The following GALM variants were observed in gnomAD, a reference collection of about 807,000 sequenced individuals.
GALM encodes the protein galactose mutarotase, also known as aldose 1-epimerase.
GALM carries 43 observed loss-of-function variants against 37.4 expected under a neutral mutation model. The observed-to-expected ratio is 1.15, with a 90% CI of 0.90 to 1.48. The LOEUF is 1.48. Ranked by LOEUF, GALM falls within the 40% of genes most tolerant of loss-of-function variation. GALM has a pLI of 0.00. For synonymous variants in GALM, 199 were observed against 170.6 expected (o/e 1.17, Z -1.30); for missense variants, 456 against 419.1 (o/e 1.09, Z -0.77).
chr2:38,731,663 C>A, intron 5 of GALM, 72 bp from the exon 6 acceptor site: 1 of 1,169,326 alleles, frequency 8.6e-7, no homozygotes, highest in Non-Finnish European at 1.3e-6. Context: ...TGTCTCAAAG[C>A]CGCTTCCCAG....
At chr2:38,673,923 G>C (rs1243496487) in intron 1 of GALM, among the ~76,000 whole-genome samples, 1 of 151,986 alleles carries the variant, frequency 6.6e-6, no homozygotes, top group Non-Finnish European at 1.5e-5. Flanking sequence ...AACAATGTAC[G>C]ATTATAGTGT....
intron 4 of GALM, among the ~76,000 whole-genome samples, chr2:38,709,971 G>T (rs1315286621): frequency 1.3e-5 from 2 of 152,152 alleles, no homozygotes; most frequent in East Asian, 3.9e-4. Context: ...GAGCAGCTGG[G>T]CTGGAAGCAC....
chr2:38,726,678 G>A (rs1256341576), intron 4 of GALM, among the ~76,000 whole-genome samples: 19 of 152,010 alleles, frequency 1.2e-4, no homozygotes, highest in Non-Finnish European at 2.6e-4. Flanking sequence ...GGGAGGCCGA[G>A]ATGGGCAGAT....
intron 4 of GALM, among the ~76,000 whole-genome samples, chr2:38,719,309 A>C (rs149244938): frequency 0.02 from 2,979 of 151,748 alleles, 115 homozygotes; most frequent in African/African-American, 0.068. Context: ...GTCTCTACTA[A>C]AAATACAAAA....
chr2:38,689,589 A>G (rs1387425396), intron 3 of GALM, among the ~76,000 whole-genome samples: 1 of 152,236 alleles, frequency 6.6e-6, no homozygotes, highest in Admixed American at 6.5e-5. Flanking sequence ...CTATTTAGAA[A>G]AGAAAATGCA....
intron 4 of GALM, among the ~76,000 whole-genome samples, chr2:38,722,547 AC>A (rs1666405824): frequency 6.6e-6 from 1 of 152,142 alleles, no homozygotes; most frequent in African/African-American, 2.4e-5. Flanking sequence ...CTCTTCAGAA[AC>A]TGCTTCTCCC....
At position 38,734,469 on chromosome 2, in the gene GALM, A is replaced by G. The variant is rs1325905497; in HGVS notation, c.*904A>G. The G allele has an allele frequency of 6.6e-6, 1 of 151,620 alleles. No homozygotes were observed. Among genetic ancestry groups the G allele is most frequent in the Non-Finnish European group, 1.5e-5 (1 of 68,008 alleles). The allele number at this position is 151,620 out of a possible 1,614,324, so 9.4% of individuals were successfully genotyped here. ...CTTCCGAGAGGAAAAGGCCTGCAAG[A>G]GCCTTTGGGTTAACTGAGAAAGCAC... On this transcript the variant is annotated 3_prime_UTR_variant, in exon 7 of 7. Coordinates refer to ENST00000272252, the MANE Select transcript of GALM (RefSeq NM_138801.3).
At chr2:38,724,923 A>G (rs758386954) in intron 4 of GALM, among the ~76,000 whole-genome samples, 2 of 152,216 alleles carry the variant, frequency 1.3e-5, no homozygotes, top group African/African-American at 2.4e-5. Context: ...TGGTAACAGG[A>G]AAGAGACCTG....
intron 4 of GALM, among the ~76,000 whole-genome samples, chr2:38,704,046 TA>T (rs569727890): frequency 6.0e-4 from 91 of 151,068 alleles, no homozygotes; most frequent in Admixed American, 4.4e-3. Flanking sequence ...AATAAATAAA[TA>T]AAATAAAATA....
intron 4 of GALM, among the ~76,000 whole-genome samples, chr2:38,716,210 G>A (rs1253219090): frequency 1.3e-5 from 2 of 152,242 alleles, no homozygotes. Context: ...TGCAGCTTCT[G>A]AAAGCTGTTG....
chr2:38,706,135 G>T (rs1666032744), intron 4 of GALM, among the ~76,000 whole-genome samples: 1 of 151,950 alleles, frequency 6.6e-6, no homozygotes, highest in South Asian at 2.1e-4. Flanking sequence ...CTCCCAAGTA[G>T]CTGGGATTAC....
Position 38,697,159 on chromosome 2 carries a change from T to C in GALM, c.634+7265T>C, listed in dbSNP as rs545769885. Among the ~76,000 whole-genome samples the C allele has an allele frequency of 2.6e-5, 4 of 152,236 alleles. No individual in the cohort carries two copies. In the South Asian group the frequency reaches 8.3e-4, roughly 32 times the overall value. On this transcript the variant is annotated intron_variant, in intron 4 of 6. Transcript: ENST00000272252. Reference sequence around the variant, plus strand: ...TTAAACTGTGTCTGAAAAAGTGGCTTATGTGGGGAAATTTGTGATGGATTT... The same window carrying C: ...TTAAACTGTGTCTGAAAAAGTGGCTCATGTGGGGAAATTTGTGATGGATTT...
intron 4 of GALM, among the ~76,000 whole-genome samples, chr2:38,707,991 A>T (rs1666074940): frequency 6.6e-6 from 1 of 152,010 alleles, no homozygotes; most frequent in South Asian, 2.1e-4. Flanking sequence ...CCTGTAATCC[A>T]AGCTGCTCGG....
At chr2:38,696,201 C>T (rs1665801074) in intron 4 of GALM, among the ~76,000 whole-genome samples, 1 of 151,846 alleles carries the variant, frequency 6.6e-6, no homozygotes, top group Non-Finnish European at 1.5e-5. Context: ...CTCACTGCAA[C>T]CTCCACCTCC....
chr2:38,672,097 A>G (rs1665121084), intron 1 of GALM, among the ~76,000 whole-genome samples: 2 of 151,542 alleles, frequency 1.3e-5, no homozygotes, highest in African/African-American at 4.8e-5. Context: ...AGTGCTTCTT[A>G]TCTTCATGAC....
chr2:38,676,286 G>A (rs866994901), intron 2 of GALM, among the ~76,000 whole-genome samples: 3 of 152,294 alleles, frequency 2.0e-5, no homozygotes, highest in Middle Eastern at 6.8e-3. Context: ...GAGAAAGGAT[G>A]TCAACCTTTG....
chr2:38,691,051 C>G (rs1032629824), intron 4 of GALM, among the ~76,000 whole-genome samples: 1 of 152,138 alleles, frequency 6.6e-6, no homozygotes, highest in East Asian at 1.9e-4. Context: ...CATGAGTAAG[C>G]TGGCCCATCT....
intron 4 of GALM, among the ~76,000 whole-genome samples, chr2:38,692,927 A>G (rs1486057270): frequency 6.6e-6 from 1 of 152,210 alleles, no homozygotes; most frequent in Admixed American, 6.5e-5. Flanking sequence ...GTGCTTTTGA[A>G]GCAAAGCATT....
Position 38,733,875 on chromosome 2 carries a change from G to T in GALM, c.*310G>T. Reference sequence around the variant, plus strand: ...GCTGTTGGCTCCATCTCTCCACACTGCCTCTTTCTTTTCAACTTTTTGCCC... The same window carrying T: ...GCTGTTGGCTCCATCTCTCCACACTTCCTCTTTCTTTTCAACTTTTTGCCC... On this transcript the variant is annotated 3_prime_UTR_variant, in exon 7 of 7. Transcript: ENST00000272252. 1 of 358,926 alleles carries T rather than the reference G, an allele frequency of 2.8e-6. No homozygotes were observed. Among genetic ancestry groups the T allele is most frequent in the Non-Finnish European group, 5.2e-6 (1 of 190,522 alleles). The allele number at this position is 358,926 out of a possible 1,614,324, so 22.2% of individuals were successfully genotyped here.
Sources: allele counts gnomAD v4.1 joint callset (sites outside exome capture counted in the v4.1 genomes callset), GRCh38; gene constraint gnomAD v4.1.1; transcripts MANE v1.5; gene names NCBI Gene and HGNC (gene_info 2026-07-23, HGNC 2026-07-21).